COL21A1: variants seen among roughly 807,000 people sequenced by gnomAD.
The protein encoded by COL21A1 is collagen type XXI alpha 1 chain.
A neutral mutation model predicts 137.9 loss-of-function variants in COL21A1; 149 were observed. The ratio of observed to expected loss-of-function variants is 1.08; its 90% confidence interval spans 0.95 to 1.24. The LOEUF is 1.24. Ranked by LOEUF, COL21A1 falls within the 50% of genes most tolerant of loss-of-function variation. COL21A1 has a pLI of 0.00. For synonymous variants in COL21A1, 456 were observed against 391.5 expected (o/e 1.16, Z -1.95); for missense variants, 1,167 against 1,158.4 (o/e 1.01, Z -0.11).
intron 17 of COL21A1, among the ~76,000 whole-genome samples, chr6:56,094,018 T>G (rs1026825853): frequency 6.6e-6 from 1 of 152,188 alleles, no homozygotes; most frequent in Non-Finnish European, 1.5e-5. Context: ...ACAGTGAATC[T>G]GCTAATTTTA....
chr6:56,343,617 G>A (rs542682076), intron 1 of COL21A1, among the ~76,000 whole-genome samples: 17 of 152,256 alleles, frequency 1.1e-4, no homozygotes, highest in Middle Eastern at 3.4e-3. Context: ...GCCTCTTTCT[G>A]ATTTAGAAGC....
At position 56,141,789 on chromosome 6, in the gene COL21A1, T is replaced by A. The variant is rs373874699; in HGVS notation, c.1538A>T (p.Asp513Val). The change falls in exon 12 of 30, where the codon GAC becomes GTC. Residue 513 changes from aspartate to valine, a missense_variant. Asp to Val is a radical substitution (Grantham distance 152). Coordinates refer to ENST00000244728, the MANE Select transcript of COL21A1 (RefSeq NM_030820.4). Reference protein sequence around the residue: ...GYKGEPGRDGDKGDRGLPGFP... With the variant: ...GYKGEPGRDGVKGDRGLPGFP... ...TGCATTTTTGTGTGTGTTTACCTTG[T>A]CACCATCTCGCCCTGGTTCTCCTTT... 2 of 1,613,724 alleles carry A rather than the reference T, an allele frequency of 1.2e-6. No homozygotes were observed. Among genetic ancestry groups the A allele is most frequent in the Non-Finnish European group, 1.7e-6 (2 of 1,179,712 alleles).
intron 10 of COL21A1, among the ~76,000 whole-genome samples, chr6:56,151,148 C>G (rs1489252562): frequency 6.6e-6 from 1 of 152,130 alleles, no homozygotes. Context: ...ATGGCATGAA[C>G]CCAGGAGGCG....
At chr6:56,252,211 G>C (rs1782869868), upstream of COL21A1, among the ~76,000 whole-genome samples, 2 of 152,180 alleles carry the variant, frequency 1.3e-5, no homozygotes, top group Admixed American at 1.3e-4. Context: ...GATTCAAGTG[G>C]TCTGAGTTCC....
At chr6:56,087,953 T>C (rs1768414973) in intron 17 of COL21A1, among the ~76,000 whole-genome samples, 1 of 152,214 alleles carries the variant, frequency 6.6e-6, no homozygotes, top group Non-Finnish European at 1.5e-5. Flanking sequence ...GCCAAACCTG[T>C]TTTTAAAATT....
intron 1 of COL21A1, among the ~76,000 whole-genome samples, chr6:56,303,560 G>C (rs1223956597): frequency 6.6e-6 from 1 of 152,188 alleles, no homozygotes; most frequent in East Asian, 1.9e-4. Flanking sequence ...AAGAATGCTT[G>C]TGATTTTTGT....
rs147796033 is a variant in COL21A1, at chr6:56,123,250, G to A, written c.1758+812C>T. Among the ~76,000 whole-genome samples, 49 of 152,248 alleles carry A rather than the reference G, an allele frequency of 3.2e-4. No homozygotes were observed. The East Asian group carries it at 3.7e-3, about 11-fold the overall frequency. On this transcript the variant is annotated intron_variant, in intron 16 of 29. Coordinates refer to ENST00000244728, the MANE Select transcript of COL21A1 (RefSeq NM_030820.4). ...GCATAATTAACAAGAAGGAACCAAT[G>A]ACTTTAAAATGGGCTCCCATATTTT... is the stretch of plus-strand genomic sequence containing the variant.
At chr6:56,165,613 C>T (rs1360526383) in intron 7 of COL21A1, among the ~76,000 whole-genome samples, 1 of 152,174 alleles carries the variant, frequency 6.6e-6, no homozygotes, top group East Asian at 1.9e-4. Flanking sequence ...AGTGCTTAAA[C>T]AGTTATTTAT....
At chr6:56,371,542 T>C (rs2093988676) in intron 1 of COL21A1, among the ~76,000 whole-genome samples, 2 of 152,166 alleles carry the variant, frequency 1.3e-5, no homozygotes, top group Admixed American at 6.5e-5. Flanking sequence ...CTCTTCTGCC[T>C]GTTCACCAGC....
At chr6:56,208,292 C>T (rs1276264140) in intron 1 of COL21A1, among the ~76,000 whole-genome samples, 1 of 152,108 alleles carries the variant, frequency 6.6e-6, no homozygotes, top group African/African-American at 2.4e-5. Flanking sequence ...TGTCTCAGCC[C>T]AAAATCTCCT....
At chr6:56,148,845 C>T (rs2152246604) in intron 10 of COL21A1, among the ~76,000 whole-genome samples, 1 of 152,236 alleles carries the variant, frequency 6.6e-6, no homozygotes, top group Non-Finnish European at 1.5e-5. Context: ...TGAATCTTCC[C>T]TCACAGGCTG....
At chr6:56,350,209 G>A (rs75865614) in intron 1 of COL21A1, among the ~76,000 whole-genome samples, 2,933 of 152,262 alleles carry the variant, frequency 0.019, 98 homozygotes, top group African/African-American at 0.065. Context: ...TGGGGAGCAG[G>A]GGCAAGTGTA....
chr6:56,165,323 C>G (rs1776491174), intron 7 of COL21A1, among the ~76,000 whole-genome samples: 1 of 151,972 alleles, frequency 6.6e-6, no homozygotes, highest in Non-Finnish European at 1.5e-5. Context: ...AAAATTAGTT[C>G]AAAAATAAGA....
chr6:56,163,082 T>C (rs1001307235), intron 9 of COL21A1, among the ~76,000 whole-genome samples: 5 of 152,122 alleles, frequency 3.3e-5, no homozygotes, highest in South Asian at 2.1e-4. Flanking sequence ...TAGAAAAACA[T>C]ACATAAAAGA....
At chr6:56,150,559 CACACACAA>C (rs1202077643) in intron 10 of COL21A1, among the ~76,000 whole-genome samples, 1 of 145,852 alleles carries the variant, frequency 6.9e-6, no homozygotes, top group Non-Finnish European at 1.5e-5. Flanking sequence ...CACACACACA[CACACACAA>C]GAGTGGGGGG....
chr6:56,366,816 T>C (rs1176882585), intron 1 of COL21A1, among the ~76,000 whole-genome samples: 4 of 152,208 alleles, frequency 2.6e-5, no homozygotes, highest in Admixed American at 2.6e-4. Context: ...TTAGCAACTA[T>C]TGCAGCAATA....
intron 1 of COL21A1, among the ~76,000 whole-genome samples, chr6:56,213,389 A>C (rs542873718): frequency 3.9e-5 from 6 of 152,082 alleles, no homozygotes; most frequent in Admixed American, 1.3e-4. Flanking sequence ...TAGCTCACTA[A>C]TTGCTTTGTG....
At chr6:56,212,295 C>T (rs1780218822) in intron 1 of COL21A1, among the ~76,000 whole-genome samples, 1 of 151,904 alleles carries the variant, frequency 6.6e-6, no homozygotes, top group Non-Finnish European at 1.5e-5. Context: ...ATTCTGAGAT[C>T]ACCATTGATA....
chr6:56,063,632 A>G (rs569777610), intron 24 of COL21A1, among the ~76,000 whole-genome samples: 1 of 152,068 alleles, frequency 6.6e-6, no homozygotes, highest in South Asian at 2.1e-4. Context: ...ATTCTTCTTA[A>G]CATCTGGCAC....
Sources: allele counts gnomAD v4.1 joint callset (sites outside exome capture counted in the v4.1 genomes callset), GRCh38; gene constraint gnomAD v4.1.1; transcripts MANE v1.5; gene names NCBI Gene and HGNC (gene_info 2026-07-23, HGNC 2026-07-21).